LUZP2: variants seen among roughly 807,000 people sequenced by gnomAD.
LUZP2 encodes leucine zipper protein 2.
A neutral mutation model predicts 51.6 loss-of-function variants in LUZP2; 52 were observed. The ratio of observed to expected loss-of-function variants is 1.01; its 90% CI spans 0.81 to 1.27. LUZP2 has a LOEUF of 1.27. Ranked by LOEUF, LUZP2 falls within the 50% of genes most tolerant of loss-of-function variation. The pLI is 0.00. For synonymous variants in LUZP2, 154 were observed against 137.3 expected (o/e 1.12, Z -0.85); for missense variants, 436 against 395.4 (o/e 1.10, Z -0.87).
chr11:24,600,977 T>C (rs1349581910), intron 1 of LUZP2, among the ~76,000 whole-genome samples: 1 of 152,136 alleles, frequency 6.6e-6, no homozygotes, highest in African/African-American at 2.4e-5. Context: ...TTAAGAGTAC[T>C]AATCAGTTCA....
chr11:25,017,633 C>T (rs1462949208), intron 9 of LUZP2, among the ~76,000 whole-genome samples: 1 of 152,134 alleles, frequency 6.6e-6, no homozygotes, highest in Non-Finnish European at 1.5e-5. Context: ...TTTATACCAG[C>T]ACCAGGCTGT....
chr11:24,770,830 A>G (rs116036932), intron 5 of LUZP2, among the ~76,000 whole-genome samples: 12,194 of 152,190 alleles, frequency 0.08, 1,046 homozygotes, highest in African/African-American at 0.22. Flanking sequence ...TACAGCTTAT[A>G]GGTTGTACCT....
chr11:25,012,556 G>A (rs562172564), intron 9 of LUZP2, among the ~76,000 whole-genome samples: 1 of 152,214 alleles, frequency 6.6e-6, no homozygotes, highest in African/African-American at 2.4e-5. Context: ...CACCACTACT[G>A]AGGCAGTCAG....
chr11:24,816,765 G>A (rs191463473), intron 5 of LUZP2, among the ~76,000 whole-genome samples: 2 of 152,096 alleles, frequency 1.3e-5, no homozygotes, highest in South Asian at 2.1e-4. Flanking sequence ...ACTGAGGGAG[G>A]TACTATTATT....
intron 9 of LUZP2, among the ~76,000 whole-genome samples, chr11:25,040,596 G>A (rs1466470913): frequency 6.6e-6 from 1 of 152,018 alleles, no homozygotes; most frequent in East Asian, 1.9e-4. Context: ...GGACCTCTCA[G>A]TCTGTTTTTT....
intron 1 of LUZP2, among the ~76,000 whole-genome samples, chr11:24,638,427 T>A (rs1312351924): frequency 6.6e-6 from 1 of 151,620 alleles, no homozygotes; most frequent in Non-Finnish European, 1.5e-5. Context: ...AAAATCCAAA[T>A]TCTAGGACAC....
chr11:24,748,107 A>G (rs1407148596), intron 4 of LUZP2, among the ~76,000 whole-genome samples: 1 of 152,094 alleles, frequency 6.6e-6, no homozygotes, highest in East Asian at 1.9e-4. Flanking sequence ...TACAGAGTTC[A>G]ACTGGAGACT....
intron 1 of LUZP2, among the ~76,000 whole-genome samples, chr11:24,703,432 T>G (rs371319343): frequency 6.6e-6 from 1 of 152,180 alleles, no homozygotes; most frequent in South Asian, 2.1e-4. Flanking sequence ...CAAGCCTGAA[T>G]AGCCTGATTT....
chr11:24,896,644 G>T (rs1314709741), intron 5 of LUZP2, among the ~76,000 whole-genome samples: 1 of 152,196 alleles, frequency 6.6e-6, no homozygotes, highest in African/African-American at 2.4e-5. Flanking sequence ...GCTCCCCGGT[G>T]CCTGGTCCCA....
chr11:25,004,588 A>C (rs1856782185), intron 9 of LUZP2, among the ~76,000 whole-genome samples: 1 of 152,088 alleles, frequency 6.6e-6, no homozygotes, highest in Non-Finnish European at 1.5e-5. Context: ...TTGACCCTCG[A>C]GTGATTAGGG....
chr11:24,839,131 G>A (rs1000706642), intron 5 of LUZP2, among the ~76,000 whole-genome samples: 12 of 151,570 alleles, frequency 7.9e-5, no homozygotes, highest in African/African-American at 2.9e-4. Context: ...CAATATCTGA[G>A]TTCTACCTGT....
chr11:25,042,049 C>G (rs943883964), intron 9 of LUZP2, among the ~76,000 whole-genome samples: 1 of 152,162 alleles, frequency 6.6e-6, no homozygotes, highest in Non-Finnish European at 1.5e-5. Context: ...AAACCAGTCC[C>G]TGGTGCCAAG....
chr11:24,858,266 C>A (rs1340010824), intron 5 of LUZP2, among the ~76,000 whole-genome samples: 1 of 152,078 alleles, frequency 6.6e-6, no homozygotes, highest in Admixed American at 6.6e-5. Context: ...GTGATCTAAG[C>A]CTTGTTCTCA....
intron 9 of LUZP2, among the ~76,000 whole-genome samples, chr11:24,998,618 G>C (rs1176269179): frequency 6.6e-6 from 1 of 152,126 alleles, no homozygotes; most frequent in East Asian, 1.9e-4. Context: ...CAGATTTTTA[G>C]AAATCTTTCT....
chr11:24,698,388 C>T (rs1380764241), intron 1 of LUZP2, among the ~76,000 whole-genome samples: 1 of 152,174 alleles, frequency 6.6e-6, no homozygotes, highest in Non-Finnish European at 1.5e-5. Flanking sequence ...TGCACTTTTG[C>T]TTTGACTTGA....
At chr11:24,860,174 C>T (rs191629553) in intron 5 of LUZP2, among the ~76,000 whole-genome samples, 6 of 152,308 alleles carry the variant, frequency 3.9e-5, no homozygotes, top group East Asian at 3.9e-4. Flanking sequence ...GGCTGTCATC[C>T]GTCATCTGTG....
chr11:24,629,403 T>C (rs1418492316), intron 1 of LUZP2, among the ~76,000 whole-genome samples: 3 of 151,108 alleles, frequency 2.0e-5, no homozygotes, highest in African/African-American at 7.3e-5. Flanking sequence ...TGCTGTAAAA[T>C]ACATTTATTC....
intron 5 of LUZP2, among the ~76,000 whole-genome samples, chr11:24,791,446 G>A (rs528219697): frequency 7.9e-5 from 12 of 152,192 alleles, no homozygotes; most frequent in Middle Eastern, 3.4e-3. Flanking sequence ...TTTAGTACAT[G>A]TACATGATAA....
At chr11:24,937,880 G>C (rs1206540585) in intron 7 of LUZP2, among the ~76,000 whole-genome samples, 1 of 146,748 alleles carries the variant, frequency 6.8e-6, no homozygotes, top group African/African-American at 2.5e-5. Context: ...CAGCCTGGGC[G>C]ACAGGGCAAG....
Sources: allele counts gnomAD v4.1 joint callset (sites outside exome capture counted in the v4.1 genomes callset), GRCh38; gene constraint gnomAD v4.1.1; transcripts MANE v1.5; gene names NCBI Gene and HGNC (gene_info 2026-07-23, HGNC 2026-07-21).